Variants in FAM234B observed in about 807,000 individuals in gnomAD.
FAM234B encodes protein FAM234B.
FAM234B carries 33 observed loss-of-function variants against 69.3 expected under a neutral mutation model. That is an observed-to-expected ratio of 0.48 (90% CI 0.36 to 0.64). The LOEUF is 0.64. Among genes scored for constraint, FAM234B ranks in the 30% least tolerant of loss-of-function variants. FAM234B has a pLI of 0.00. For missense variants in FAM234B, 697 were observed against 769.7 expected (o/e 0.91, Z 1.12); for synonymous variants, 306 against 306.9 (o/e 1.00, Z 0.03).
intron 1 of FAM234B, among the ~76,000 whole-genome samples, chr12:13,053,562 A>G (rs1454378853): frequency 6.6e-6 from 1 of 152,166 alleles, no homozygotes; most frequent in Non-Finnish European, 1.5e-5. Context: ...TAGGGATTTT[A>G]AAAGGGGAGG....
intron 1 of FAM234B, among the ~76,000 whole-genome samples, chr12:13,049,805 T>TA (rs1864855385): frequency 6.6e-6 from 1 of 152,244 alleles, no homozygotes; most frequent in African/African-American, 2.4e-5. Flanking sequence ...GTTTTTCAGC[T>TA]AATTGTTTGT....
chr12:13,068,772 C>T, intron 9 of FAM234B, 61 bp downstream of exon 9: 1 of 1,118,956 alleles, frequency 8.9e-7, no homozygotes, highest in Admixed American at 1.9e-5. Context: ...TGTGTCCAAC[C>T]CTGTGTTAGG....
chr12:13,058,318 G>A (rs1479749358), intron 2 of FAM234B, 133 bp from the exon 3 acceptor site: 4 of 722,680 alleles, frequency 5.5e-6, no homozygotes, highest in Non-Finnish European at 2.5e-6. Flanking sequence ...AGCAGGGGGA[G>A]TAGGGAGAGG....
chr12:13,061,950 C>T (rs1158948469), intron 4 of FAM234B, among the ~76,000 whole-genome samples, 187 bp downstream of exon 4: 2 of 152,122 alleles, frequency 1.3e-5, no homozygotes, highest in East Asian at 1.9e-4. Context: ...ATCCATGGTT[C>T]AACCTGTTTG....
At chr12:13,069,723 T>A (rs182595951) in intron 9 of FAM234B, among the ~76,000 whole-genome samples, 30 of 152,182 alleles carry the variant, frequency 2.0e-4, no homozygotes, top group South Asian at 1.2e-3. Flanking sequence ...TGCACTCCCA[T>A]CAGAGAGATG....
Position 13,055,718 on chromosome 12 carries a change from G to A in FAM234B, c.205G>A (p.Ala69Thr), listed in dbSNP as rs770585798. 1.9e-6 allele frequency: 3 copies of A among 1,614,212 alleles called. No individual in the cohort carries two copies. The highest frequency in any genetic ancestry group is 2.5e-6 in the Non-Finnish European group (3 of 1,180,032). Residue 69 changes from alanine (A) to threonine (T), a missense_variant, in exon 2 of 13, where the codon GCT becomes ACT. Ala to Thr is a moderately conservative substitution (Grantham distance 58). Around this residue, in one of 3 missense-constraint regions of FAM234B, gnomAD observed 380 missense variants for 447.1 expected, o/e 0.85. Coordinates refer to ENST00000197268, the MANE Select transcript of FAM234B (RefSeq NM_020853.2). ...CGACTCAGATGCTGAGGTTGCAGAG[G>A]CTGCAAAGCCACATCTTTCAGAAGT... ...EPDSDAEVAE[A>T]AKPHLSEVTT...
chr12:13,059,836 A>C (rs887611091), intron 3 of FAM234B, among the ~76,000 whole-genome samples: 1 of 152,146 alleles, frequency 6.6e-6, no homozygotes, highest in African/African-American at 2.4e-5. Flanking sequence ...TGAAGTAAAA[A>C]TCTTCCCCAT....
chr12:13,045,015 T>G (rs931823084), intron 1 of FAM234B, among the ~76,000 whole-genome samples: 2 of 152,176 alleles, frequency 1.3e-5, no homozygotes, highest in South Asian at 2.1e-4. Context: ...AGCTCGGCCT[T>G]GAACGTCAGG....
rs966300713 is a variant in FAM234B at position 13,048,830 on chromosome 12, C to G, written c.37+4390C>G. On this transcript the variant is annotated intron_variant, in intron 1 of 12. Transcript: ENST00000197268. ...TACAGTTCTGTGTGCCTAGGGAGGC[C>G]TCACAATCATGGTGGAAGGTAAAAG... Among the ~76,000 whole-genome samples, 2 of 152,190 alleles carry G rather than the reference C, an allele frequency of 1.3e-5. 1 individual carries two copies. Among genetic ancestry groups the G allele is most frequent in the South Asian group, 4.1e-4 (2 of 4,830 alleles).
intron 2 of FAM234B, among the ~76,000 whole-genome samples, chr12:13,057,512 C>T (rs1462483562): frequency 1.3e-5 from 2 of 151,380 alleles, no homozygotes; most frequent in Non-Finnish European, 2.9e-5. Context: ...TATATGTTTC[C>T]TATTGCAGTG....
chr12:13,050,064 G>A (rs1864859342), intron 1 of FAM234B, among the ~76,000 whole-genome samples: 1 of 152,202 alleles, frequency 6.6e-6, no homozygotes, highest in Admixed American at 6.5e-5. Flanking sequence ...GCTAGGAGGA[G>A]GCTTTGCACA....
At chr12:13,080,040 G>C in intron 12 of FAM234B, 31 bp downstream of exon 12, 1 of 1,490,944 alleles carries the variant, frequency 6.7e-7, no homozygotes, top group Admixed American at 2.1e-5. Context: ...TGTTCCTCTT[G>C]AGGGTTTAGG....
intron 9 of FAM234B, among the ~76,000 whole-genome samples, chr12:13,070,193 ATATATATATATATATAT>A (rs1565511081): frequency 2.7e-5 from 4 of 146,104 alleles, no homozygotes; most frequent in South Asian, 2.1e-4. Context: ...ATATATATAT[ATATATATATATATATAT>A]AAAATGAAAT....
In FAM234B at chr12:13,049,861, G is replaced by C. The variant is rs75086160; in HGVS notation, c.37+5421G>C. ...TTCTTGAATATTTGTAGAGCTTTGT[G>C]GTATCTTGTGGAATGAGTACTAAAC... On this transcript the variant is annotated intron_variant, in intron 1 of 12. Coordinates refer to ENST00000197268, the MANE Select transcript of FAM234B (RefSeq NM_020853.2). 5.7e-3 allele frequency among the ~76,000 whole-genome samples: 874 copies of C among 152,132 alleles called. 11 individuals are homozygous for C. The highest frequency in any genetic ancestry group is 0.02 in the African/African-American group (818 of 41,498).
intron 10 of FAM234B, among the ~76,000 whole-genome samples, chr12:13,071,870 A>T (rs542961312): frequency 2.3e-4 from 35 of 152,268 alleles, no homozygotes; most frequent in African/African-American, 8.2e-4. Context: ...TAAAACTGAG[A>T]GGTCATTTGA....
intron 2 of FAM234B, among the ~76,000 whole-genome samples, chr12:13,058,170 A>G (rs975516555): frequency 7.9e-5 from 12 of 152,238 alleles, no homozygotes; most frequent in African/African-American, 2.9e-4. Flanking sequence ...TATGAGGCCA[A>G]AAGAAAACCC....
chr12:13,045,956 C>T (rs1336130885), intron 1 of FAM234B, among the ~76,000 whole-genome samples: 2 of 151,864 alleles, frequency 1.3e-5, no homozygotes, highest in Non-Finnish European at 2.9e-5. Flanking sequence ...TTCTTATGCC[C>T]CAAGGCTGTG....
At chr12:13,074,579 G>T (rs1865141018) in intron 10 of FAM234B, among the ~76,000 whole-genome samples, 1 of 152,178 alleles carries the variant, frequency 6.6e-6, no homozygotes, top group South Asian at 2.1e-4. Flanking sequence ...GCAGCATGGG[G>T]TGGGCAGGTG....
rs766521052 is a variant in FAM234B, at chr12:13,066,785, T to C, written c.998T>C (p.Phe333Ser). Reference protein sequence around the residue: ...TNGAVYILFGFGNIQAVALRD... With the variant: ...TNGAVYILFGSGNIQAVALRD... ...GGGGCTGTCTACATCCTGTTTGGCT[T>C]TGGTAAGAAGCAAGGCTAGTTTTTG... Residue 333 changes from phenylalanine (F) to serine (S), a missense_variant and splice_region_variant, in exon 6 of 13, where the codon TTT becomes TCT. Phe to Ser is a radical substitution (Grantham distance 155). This residue lies in a region of FAM234B where 380 missense variants were observed against 447.1 expected (regional missense o/e 0.85). Transcript: ENST00000197268. 3 of 1,611,974 alleles carry C rather than the reference T, an allele frequency of 1.9e-6. No homozygotes were observed. The highest frequency in any genetic ancestry group is 2.7e-5 in the African/African-American group (2 of 74,826).
Sources: allele counts gnomAD v4.1 joint callset (sites outside exome capture counted in the v4.1 genomes callset), GRCh38; gene constraint gnomAD v4.1.1; regional missense constraint gnomAD v4.1.1; transcripts MANE v1.5; gene names NCBI Gene and HGNC (gene_info 2026-07-23, HGNC 2026-07-21).